The following TBCE variants were observed in gnomAD, a reference collection of about 807,000 sequenced individuals.
The protein encoded by TBCE is tubulin folding cofactor E, also known as tubulin-specific chaperone E.
A neutral mutation model predicts 77.0 loss-of-function variants in TBCE; 53 were observed. The ratio of observed to expected loss-of-function variants is 0.69; its 90% CI spans 0.55 to 0.87. The LOEUF (loss-of-function observed/expected upper bound fraction) is 0.87, where lower values mean the gene tolerates loss of function less well. TBCE is among the 40% of genes least tolerant of loss of function. The pLI is 0.00. For synonymous variants in TBCE, 235 were observed against 241.3 expected (o/e 0.97, Z 0.24); for missense variants, 624 against 622.4 (o/e 1.00, Z -0.03).
chr1:235,448,369 G>A lies in TBCE; in HGVS notation c.1420G>A (p.Val474Met), dbSNP rs764165783. ...QLPGSMTIQK[V>M]KGLLSRLLKV... ...GATAGGCTCCATGACAATTCAAAAGGTGAAGGGATTGCTGTCACGTCTTCT... is the reference window on the plus strand; with the variant it reads ...GATAGGCTCCATGACAATTCAAAAGATGAAGGGATTGCTGTCACGTCTTCT... Residue 474 changes from valine (V) to methionine (M), a missense_variant, in exon 16 of 17, where the codon GTG becomes ATG. Val to Met is a conservative substitution (Grantham distance 21). Transcript: ENST00000642610. The A allele has an allele frequency of 1.2e-6, 2 of 1,614,136 alleles. No individual in the cohort carries two copies. Among genetic ancestry groups the A allele is most frequent in the South Asian group, 2.2e-5 (2 of 91,090 alleles).
At chr1:235,442,062 C>T (rs554734863) in intron 14 of TBCE, among the ~76,000 whole-genome samples, 180 bp downstream of exon 14, 241 of 149,974 alleles carry the variant, frequency 1.6e-3, no homozygotes, top group Middle Eastern at 0.014. Flanking sequence ...GGCTGGAGTG[C>T]AGTGGTGTGA....
chr1:235,404,133 C>T (rs886341668), intron 3 of TBCE, among the ~76,000 whole-genome samples: 3 of 152,006 alleles, frequency 2.0e-5, no homozygotes, highest in African/African-American at 4.8e-5. Flanking sequence ...AAAAATTAGC[C>T]AGGCGTGGTG....
At chr1:235,427,620 A>T (rs879685763) in intron 6 of TBCE, among the ~76,000 whole-genome samples, 11 of 152,148 alleles carry the variant, frequency 7.2e-5, no homozygotes, top group Admixed American at 6.6e-4. Flanking sequence ...TTTCATTTAC[A>T]TAGTAAGATT....
intron 2 of TBCE, among the ~76,000 whole-genome samples, chr1:235,387,644 T>G (rs528496878): frequency 6.6e-6 from 1 of 152,156 alleles, no homozygotes. Context: ...TTTTTTAAGC[T>G]CATCAGAAAA....
At chr1:235,407,623 T>A (rs563064358) in intron 3 of TBCE, among the ~76,000 whole-genome samples, 3 of 152,202 alleles carry the variant, frequency 2.0e-5, no homozygotes, top group East Asian at 3.9e-4. Context: ...TTGGAGCAGG[T>A]GTTGTGTGCC....
intron 2 of TBCE, among the ~76,000 whole-genome samples, chr1:235,385,477 C>T (rs1482803852): frequency 6.6e-6 from 1 of 152,054 alleles, no homozygotes; most frequent in South Asian, 2.1e-4. Context: ...TCACTGAGGA[C>T]TTGCTTTATG....
intron 5 of TBCE, among the ~76,000 whole-genome samples, chr1:235,420,187 G>A (rs1207379030): frequency 6.6e-6 from 1 of 152,204 alleles, no homozygotes; most frequent in African/African-American, 2.4e-5. Context: ...TTTGGCAGCT[G>A]TCTTACAAGT....
At chr1:235,378,275 G>C (rs1157625790) in intron 1 of TBCE, among the ~76,000 whole-genome samples, 4 of 152,126 alleles carry the variant, frequency 2.6e-5, no homozygotes, top group Admixed American at 1.3e-4. Context: ...GGCTGGAGCA[G>C]AGTGGCATGA....
rs113609735 is a variant in TBCE at position 235,419,228 on chromosome 1, C to T, written c.372-245C>T. The T allele has an allele frequency of 0.041, 24,080 of 592,852 alleles. 1,024 individuals carry two copies. The highest frequency in any genetic ancestry group is 0.17 in the African/African-American group (8,873 of 53,586). The allele number at this position is 592,852 out of a possible 1,614,324, so 36.7% of individuals were successfully genotyped here. A position where few individuals can be genotyped will look rare whatever the true frequency, so the allele number is the denominator to read the frequency against. On this transcript the variant is annotated intron_variant, in intron 4 of 16. Transcript: ENST00000642610. ...GCTAAAAAGCAAAAAGAAAAGTTTA[C>T]CTCTGGGAGTAGAGGGAGAATTGTG...
At chr1:235,421,912 AATTAG>A (rs1267548751) in intron 5 of TBCE, among the ~76,000 whole-genome samples, 1 of 152,142 alleles carries the variant, frequency 6.6e-6, no homozygotes, top group Non-Finnish European at 1.5e-5. Flanking sequence ...CAGTGAAGGA[AATTAG>A]ATCAGACATC....
chr1:235,434,154 AG>A, intron 7 of TBCE, 49 bp from the exon 8 acceptor site: 1 of 1,551,786 alleles, frequency 6.4e-7, no homozygotes, highest in Non-Finnish European at 8.9e-7. Flanking sequence ...ACACCCGGGA[AG>A]AAACAGCCAG....
intron 15 of TBCE, among the ~76,000 whole-genome samples, chr1:235,447,494 C>G (rs898715462): frequency 6.6e-6 from 1 of 152,114 alleles, no homozygotes; most frequent in African/African-American, 2.4e-5. Context: ...GCCTGGCAGT[C>G]ACTTGTGTAT....
intron 6 of TBCE, among the ~76,000 whole-genome samples, chr1:235,428,100 G>T (rs1680837437): frequency 6.6e-6 from 1 of 151,618 alleles, no homozygotes; most frequent in Non-Finnish European, 1.5e-5. Flanking sequence ...TGAGGCGGGC[G>T]GATCATGAGG....
At chr1:235,375,016 G>T (rs530107096) in intron 1 of TBCE, among the ~76,000 whole-genome samples, 13 of 142,520 alleles carry the variant, frequency 9.1e-5, no homozygotes, top group Non-Finnish European at 1.5e-4. Context: ...CGCCTCCTGG[G>T]TTCACACCAT....
chr1:235,422,804 G>C (rs1428243153), intron 5 of TBCE, among the ~76,000 whole-genome samples: 1 of 152,206 alleles, frequency 6.6e-6, no homozygotes, highest in Non-Finnish European at 1.5e-5. Context: ...ACTCCAGCCT[G>C]GGCGACAAGA....
chr1:235,410,592 T>C (rs1191522646), intron 3 of TBCE, among the ~76,000 whole-genome samples: 1 of 152,216 alleles, frequency 6.6e-6, no homozygotes, highest in Non-Finnish European at 1.5e-5. Flanking sequence ...TAGTTCATCC[T>C]GAGACTTAGA....
chr1:235,377,311 C>T (rs1358900561), intron 1 of TBCE, among the ~76,000 whole-genome samples: 1 of 152,178 alleles, frequency 6.6e-6, no homozygotes, highest in Non-Finnish European at 1.5e-5. Context: ...GGCCAAGTAG[C>T]TGGGACTACA....
chr1:235,422,527 CCAAAAAA>C (rs1333823881), intron 5 of TBCE, among the ~76,000 whole-genome samples: 4 of 147,688 alleles, frequency 2.7e-5, no homozygotes, highest in Non-Finnish European at 6.0e-5. Context: ...AAAAAAAAAA[CCAAAAAA>C]CAAAAAACGG....
intron 3 of TBCE, among the ~76,000 whole-genome samples, chr1:235,409,249 G>T (rs1053620253): frequency 2.6e-5 from 4 of 152,140 alleles, no homozygotes; most frequent in African/African-American, 9.7e-5. Flanking sequence ...TAATTGGTAG[G>T]CAGAAGGAGG....
Sources: allele counts gnomAD v4.1 joint callset (sites outside exome capture counted in the v4.1 genomes callset), GRCh38; gene constraint gnomAD v4.1.1; transcripts MANE v1.5; gene names NCBI Gene and HGNC (gene_info 2026-07-23, HGNC 2026-07-21).